PPP1R9B: variants seen among roughly 807,000 people sequenced by gnomAD.
PPP1R9B encodes protein phosphatase 1 regulatory subunit 9B.
In PPP1R9B, 17 loss-of-function variants were observed where a neutral mutation model predicts 75.8. The ratio of observed to expected loss-of-function variants is 0.22; its 90% CI spans 0.15 to 0.34. The LOEUF is 0.34. PPP1R9B is among the 10% of genes least tolerant of loss of function. The pLI is 1.00. For missense variants in PPP1R9B, 875 were observed against 1,196.0 expected (o/e 0.73, Z 3.96); for synonymous variants, 509 against 535.4 (o/e 0.95, Z 0.68).
At position 50,150,545 on chromosome 17, in the gene PPP1R9B, TCCCCGCTC is replaced by T. The variant is rs1912669973; in HGVS notation, c.-40_-33del. ...GGGAGCCGGGTTCGCATGCCCCTGCTCCCCGCTCCCCCGCTTCAACAGGCGGCTGGCCA... is the reference window on the plus strand; with the variant it reads ...GGGAGCCGGGTTCGCATGCCCCTGCTCCCCGCTTCAACAGGCGGCTGGCCA... On this transcript the variant is annotated 5_prime_UTR_variant, in exon 1 of 10. Coordinates refer to ENST00000612501, the MANE Select transcript of PPP1R9B (RefSeq NM_032595.5). The surrounding 1 kb of genome is among the most constrained non-coding windows in gnomAD (Gnocchi z 8.7). The T allele has an allele frequency of 2.4e-6, 3 of 1,276,580 alleles. No individual in the cohort carries two copies. The highest frequency in any genetic ancestry group is 2.4e-5 in the South Asian group (1 of 41,226). The allele number at this position is 1,276,580 out of a possible 1,614,324, so 79.1% of individuals were successfully genotyped here. A position where few individuals can be genotyped will look rare whatever the true frequency, so the allele number is the denominator to read the frequency against.
intron 4 of PPP1R9B, 51 bp downstream of exon 4, chr17:50,141,218 T>C (rs1912367032): frequency 2.4e-6 from 3 of 1,256,808 alleles, no homozygotes; most frequent in East Asian, 5.2e-5. Context: ...ACGGAGTGCC[T>C]GGACGAGGAC....
At chr17:50,135,471 C>G in intron 9 of PPP1R9B, 82 bp downstream of exon 9, 1 of 1,574,032 alleles carries the variant, frequency 6.4e-7, no homozygotes, top group Admixed American at 1.7e-5. Context: ...ACATGGCATC[C>G]CCTCCCTCCA....
At chr17:50,146,599 T>C (rs909829036) in intron 1 of PPP1R9B, among the ~76,000 whole-genome samples, 1 of 152,198 alleles carries the variant, frequency 6.6e-6, no homozygotes, top group African/African-American at 2.4e-5. Context: ...GGGGTGCTCA[T>C]AGGACTAGAA....
chr17:50,140,488 G>A (rs1912346895), intron 4 of PPP1R9B: 1 of 534,362 alleles, frequency 1.9e-6, no homozygotes, highest in East Asian at 3.3e-5. Context: ...CCTCTAGGCT[G>A]TGCTGCAGGG....
Position 50,142,174 on chromosome 17 carries a change from A to G in PPP1R9B, c.1626-801T>C, listed in dbSNP as rs1044661472. Among the ~76,000 whole-genome samples, 4 of 152,036 alleles carry G rather than the reference A, an allele frequency of 2.6e-5. No individual in the cohort carries two copies. Among genetic ancestry groups the G allele is most frequent in the Non-Finnish European group, 5.9e-5 (4 of 68,000 alleles). ...CCCCTGAAGCCCGTGTTCTCCATACAAGGGGAGGTTCAGTCTGGCCTGCTG... is the reference window on the plus strand; with the variant it reads ...CCCCTGAAGCCCGTGTTCTCCATACGAGGGGAGGTTCAGTCTGGCCTGCTG... On this transcript the variant is annotated intron_variant, in intron 3 of 9. Coordinates refer to ENST00000612501, the MANE Select transcript of PPP1R9B (RefSeq NM_032595.5). The surrounding 1 kb of genome is among the most constrained non-coding windows in gnomAD (Gnocchi z 4.1).
rs1350451059 is a variant in PPP1R9B at position 50,142,952 on chromosome 17, C to T, written c.1625+646G>A. Among the ~76,000 whole-genome samples, 1 of 152,168 alleles carries T rather than the reference C, an allele frequency of 6.6e-6. No homozygotes were observed. The highest frequency in any genetic ancestry group is 2.4e-5 in the African/African-American group (1 of 41,416). ...CCACACCTGCCTGCTCATGGCGCCA[C>T]TGCCTGGAACCTCTGCACTCACTCC... On this transcript the variant is annotated intron_variant, in intron 3 of 9. Coordinates refer to ENST00000612501, the MANE Select transcript of PPP1R9B (RefSeq NM_032595.5). The surrounding 1 kb of genome is among the most constrained non-coding windows in gnomAD (Gnocchi z 4.1).
Position 50,150,650 on chromosome 17 carries a change from A to C in PPP1R9B, c.-137T>G. 7 of 835,190 alleles carry C rather than the reference A, an allele frequency of 8.4e-6. No individual in the cohort carries two copies. Among genetic ancestry groups the C allele is most frequent in the Non-Finnish European group, 7.9e-6 (5 of 633,300 alleles). The allele number at this position is 835,190 out of a possible 1,614,324, so 51.7% of individuals were successfully genotyped here. A position where few individuals can be genotyped will look rare whatever the true frequency, so the allele number is the denominator to read the frequency against. On this transcript the variant is annotated 5_prime_UTR_variant, in exon 1 of 10. Transcript: ENST00000612501. The surrounding 1 kb of genome is among the most constrained non-coding windows in gnomAD (Gnocchi z 8.7). ...CCTTTTTTAGGGTCCCCCCAAAACC[A>C]AGCTGCCAAAAACAGTTAATCCCGC... is the stretch of plus-strand genomic sequence containing the variant.
chr17:50,145,197 CATCCTCGTTGCGACGATCGTA>C lies in PPP1R9B; in HGVS notation c.1399_1419del (p.Tyr467_Asp473del). 1 of 1,614,036 alleles carries C rather than the reference CATCCTCGTTGCGACGATCGTA, an allele frequency of 6.2e-7. No individual in the cohort carries two copies. Among genetic ancestry groups the C allele is most frequent in the Non-Finnish European group, 8.5e-7 (1 of 1,179,902 alleles). On this transcript the variant is annotated inframe_deletion, in exon 2 of 10. Coordinates refer to ENST00000612501, the MANE Select transcript of PPP1R9B (RefSeq NM_032595.5). ...TCAGCAGAGGCTGCCATGGGATCCA[CATCCTCGTTGCGACGATCGTA>C]ATCCTCGTTGGAGTAAGTGCTGAAC...
rs1024231288 is a variant in PPP1R9B at position 50,146,036 on chromosome 17, G to C, written c.1372-791C>G. The C allele has an allele frequency of 2.3e-4, 35 of 152,564 alleles. 1 individual carries two copies. Among genetic ancestry groups the C allele is most frequent in the African/African-American group, 8.4e-4 (35 of 41,448 alleles). The allele number at this position is 152,564 out of a possible 1,614,324, so 9.5% of individuals were successfully genotyped here. ...TGTCCATGTGCTAGGGGGCCCAGGAGACTGAGGAGGGGACAGCCTCTGACA... is the reference window on the plus strand; with the variant it reads ...TGTCCATGTGCTAGGGGGCCCAGGACACTGAGGAGGGGACAGCCTCTGACA... On this transcript the variant is annotated intron_variant, in intron 1 of 9. Transcript: ENST00000612501.
chr17:50,140,058 G>A, intron 5 of PPP1R9B, 35 bp downstream of exon 5: 2 of 1,608,026 alleles, frequency 1.2e-6, no homozygotes, highest in Non-Finnish European at 1.7e-6. Flanking sequence ...CCACCAGGGG[G>A]CGACCACGCG....
In PPP1R9B at chr17:50,149,793, A is replaced by G; in HGVS notation, c.721T>C (p.Ser241Pro). The change falls in exon 1 of 10, where the codon TCG (serine) becomes CCG (proline). Residue 241 changes from serine to proline, a missense_variant. Ser to Pro is a moderately conservative substitution (Grantham distance 74, BLOSUM62 -1). Transcript: ENST00000612501. This position sits in a 1 kb window ranked among gnomAD's most constrained non-coding sequence, Gnocchi z 7.2. ...CGGGACCGCTTGCTGACCAGCTTCG[A>G]GTTGACCTGGGGAACCCCTGCGGCC... ...PRAAGVPQVNSKLVSKRSRVF... is the reference protein window; with the variant it reads ...PRAAGVPQVNPKLVSKRSRVF... 7.1e-7 allele frequency: 1 copy of G among 1,413,756 alleles called. No individual in the cohort carries two copies. The highest frequency in any genetic ancestry group is 9.2e-7 in the Non-Finnish European group (1 of 1,091,642). The allele number at this position is 1,413,756 out of a possible 1,614,324, so 87.6% of individuals were successfully genotyped here.
Position 50,140,228 on chromosome 17 carries a change from C to T in PPP1R9B, c.1731G>A (p.Arg577=). Residue 577 remains arginine (R), a splice_region_variant and synonymous_variant, in exon 5 of 10, where the codon CGG becomes CGA. Coordinates refer to ENST00000612501, the MANE Select transcript of PPP1R9B (RefSeq NM_032595.5). ...SVLRNTKGRV[R]FMIGRERPGE... is the part of the protein sequence containing the mutation. ...CCGGCCGCTCCCGGCCAATCATAAA[C>T]CTGCAGGGGCACCGGCATCATCCGC... 6.3e-7 allele frequency: 1 copy of T among 1,592,880 alleles called. No homozygotes were observed. The highest frequency in any genetic ancestry group is 8.5e-7 in the Non-Finnish European group (1 of 1,169,906).
At chr17:50,148,719 G>A (rs1211022134) in intron 1 of PPP1R9B, among the ~76,000 whole-genome samples, 2 of 152,146 alleles carry the variant, frequency 1.3e-5, no homozygotes, top group Non-Finnish European at 2.9e-5. Flanking sequence ...AAAGCACCCC[G>A]GCCCCCTCTC....
chr17:50,141,237 C>T (rs1184081143), intron 4 of PPP1R9B, 32 bp downstream of exon 4: 19 of 1,461,904 alleles, frequency 1.3e-5, no homozygotes, highest in African/African-American at 2.8e-5. Flanking sequence ...ACCTCCTGCC[C>T]GCTCCCACGC....
Position 50,135,963 on chromosome 17 carries a change from C to A in PPP1R9B, c.2303+5G>T. On this transcript the variant is annotated splice_donor_5th_base_variant and intron_variant, in intron 8 of 9. Transcript: ENST00000612501. ...GCCCAGCCCGCCCAGCCCCCAGCCA[C>A]GTACTTCTGCTGGTAGTCCTTGATG... 1 of 1,544,394 alleles carries A rather than the reference C, an allele frequency of 6.5e-7. No homozygotes were observed. Among genetic ancestry groups the A allele is most frequent in the Non-Finnish European group, 8.8e-7 (1 of 1,137,732 alleles).
In PPP1R9B at chr17:50,149,869, G is replaced by T; in HGVS notation, c.645C>A (p.Phe215Leu). 6.7e-7 allele frequency: 1 copy of T among 1,493,604 alleles called. No homozygotes were observed. The allele number at this position is 1,493,604 out of a possible 1,614,324, so 92.5% of individuals were successfully genotyped here. A position where few individuals can be genotyped will look rare whatever the true frequency, so the allele number is the denominator to read the frequency against. ...SPTVSQLSAV[F>L]EKADSRTGLH... ...GGCCGGTCCTCGAGTCGGCCTTCTC[G>T]AAGACGGCGCTGAGCTGGCTGACCG... is the stretch of plus-strand genomic sequence containing the variant. Residue 215 changes from phenylalanine (F) to leucine (L), a missense_variant, in exon 1 of 10, where the codon TTC (phenylalanine) becomes TTA (leucine). Transcript: ENST00000612501. The surrounding 1 kb of genome is among the most constrained non-coding windows in gnomAD (Gnocchi z 7.2).
chr17:50,140,954 G>A (rs529996082), intron 4 of PPP1R9B, among the ~76,000 whole-genome samples: 6 of 152,248 alleles, frequency 3.9e-5, no homozygotes, highest in East Asian at 3.9e-4. Context: ...CACCCTGGAC[G>A]TCCTGGTTCT....
rs1223798181 is a variant in PPP1R9B, at chr17:50,136,135, A to G, written c.2136T>C (p.Ser712=). Residue 712 remains serine, a synonymous_variant, in exon 8 of 10, where the codon AGT becomes AGC. Coordinates refer to ENST00000612501, the MANE Select transcript of PPP1R9B (RefSeq NM_032595.5). ...WRVEKAQLEQ[S]VEENKERMEK... ...CCATGCGCTCCTTGTTCTCCTCCAC[A>G]CTCTGCTCCAACTGCGCCTTCTCCA... The G allele has an allele frequency of 1.2e-6, 2 of 1,605,318 alleles. No individual in the cohort carries two copies. The highest frequency in any genetic ancestry group is 1.7e-6 in the Non-Finnish European group (2 of 1,179,442).
In PPP1R9B at chr17:50,148,310, T is replaced by C. The variant is rs192043579; in HGVS notation, c.1371+833A>G. Among the ~76,000 whole-genome samples the C allele has an allele frequency of 3.0e-3, 453 of 152,302 alleles. 1 individual carries two copies. Among genetic ancestry groups the C allele is most frequent in the Non-Finnish European group, 4.0e-3 (271 of 68,020 alleles). On this transcript the variant is annotated intron_variant, in intron 1 of 9. Transcript: ENST00000612501. The stretch of plus-strand genomic sequence containing the variant: ...CTCCCAGAGAATGTGGCAAGAACAC[T>C]TGGGGCCTGCCAAGGCCATGGGAGT...
Sources: allele counts gnomAD v4.1 joint callset (sites outside exome capture counted in the v4.1 genomes callset), GRCh38; gene constraint gnomAD v4.1.1; non-coding constraint Gnocchi (gnomAD v3.1); transcripts MANE v1.5; gene names NCBI Gene and HGNC (gene_info 2026-07-23, HGNC 2026-07-21).